SLC2A9: variants seen among roughly 807,000 people sequenced by gnomAD.
SLC2A9 encodes the protein solute carrier family 2, facilitated glucose transporter member 9.
A neutral mutation model predicts 50.6 loss-of-function variants in SLC2A9; 39 were observed. That is an observed-to-expected ratio of 0.77 (90% confidence interval 0.60 to 1.01). The LOEUF (loss-of-function observed/expected upper bound fraction) is 1.01, where lower values mean the gene tolerates loss of function less well. Among genes scored for constraint, SLC2A9 ranks in the 50% least tolerant of loss-of-function variants. The pLI is 0.00. For missense variants in SLC2A9, 686 were observed against 677.6 expected, an observed-to-expected ratio of 1.01 and a Z score of -0.14; for synonymous variants, 324 against 276.9, an observed-to-expected ratio of 1.17 and a Z score of -1.69.
intron 10 of SLC2A9, among the ~76,000 whole-genome samples, chr4:9,844,633 T>A (rs1728660567): frequency 1.3e-5 from 2 of 152,252 alleles, no homozygotes; most frequent in Admixed American, 6.5e-5. Flanking sequence ...TCTCTGTGAA[T>A]CTGTGCTACA....
chr4:9,826,392 A>C lies in SLC2A9; in HGVS notation c.*5T>G. ...ATAATTGTCCAACGTGGAGGAGGAA[A>C]CTTGTTAAGGCCTTCCATTTATCTT... On this transcript the variant is annotated 3_prime_UTR_variant, in exon 12 of 12. Coordinates refer to ENST00000264784, the MANE Select transcript of SLC2A9 (RefSeq NM_020041.3). 1 of 1,613,966 alleles carries C rather than the reference A, an allele frequency of 6.2e-7. No homozygotes were observed. The highest frequency in any genetic ancestry group is 1.7e-5 in the Admixed American group (1 of 60,022).
At chr4:9,846,885 A>G (rs1729079148) in intron 10 of SLC2A9, among the ~76,000 whole-genome samples, 1 of 152,206 alleles carries the variant, frequency 6.6e-6, no homozygotes, top group African/African-American at 2.4e-5. Context: ...AAATCTCCTT[A>G]AAAATCTCCA....
At chr4:9,997,595 G>C (rs13141527) in intron 2 of SLC2A9, among the ~76,000 whole-genome samples, 4 of 152,010 alleles carry the variant, frequency 2.6e-5, no homozygotes, top group African/African-American at 7.2e-5. Flanking sequence ...AGCTACTCAG[G>C]AGGCTGAGGC....
At chr4:9,863,371 T>C (rs1731958487) in intron 10 of SLC2A9, among the ~76,000 whole-genome samples, 1 of 152,020 alleles carries the variant, frequency 6.6e-6, no homozygotes, top group African/African-American at 2.4e-5. Flanking sequence ...GGTCTTGAAC[T>C]CATGAGCTCA....
At chr4:9,934,186 C>A (rs561790194) in intron 6 of SLC2A9, among the ~76,000 whole-genome samples, 19 of 152,292 alleles carry the variant, frequency 1.2e-4, no homozygotes, top group East Asian at 7.7e-4. Context: ...GGAACTCAAA[C>A]AAAGGAAGCC....
Position 9,908,285 on chromosome 4 carries a change from A to G in SLC2A9, c.1063T>C (p.Tyr355His), listed in dbSNP as rs1333766055. The G allele has an allele frequency of 6.2e-7, 1 of 1,614,136 alleles. No individual in the cohort carries two copies. The highest frequency in any genetic ancestry group is 8.5e-7 in the Non-Finnish European group (1 of 1,179,982). ...ATGCCCCCTGTACTCAAGGTGACGT[A>G]TGGGATCTTTGCCGGAGGGATCCCA... is the stretch of plus-strand genomic sequence containing the variant. Reference protein sequence around the residue: ...KAGIPPAKIPYVTLSTGGIET... With the variant: ...KAGIPPAKIPHVTLSTGGIET... The change falls in exon 8 of 12, where the codon TAC (tyrosine) becomes CAC (histidine). Residue 355 changes from tyrosine (Y) to histidine (H), a missense_variant. By Grantham distance (83) the Tyr-to-His change is moderately conservative. Coordinates refer to ENST00000264784, the MANE Select transcript of SLC2A9 (RefSeq NM_020041.3).
At position 9,785,089 on chromosome 4, in the gene SLC2A9, GGATAGCTAAGC is replaced by G. The variant is rs551397868; in HGVS notation, n.386-5035_386-5025del. On this transcript the variant is annotated intron_variant and non_coding_transcript_variant, in intron 3 of 3. Transcript: ENST00000503803. ...GTTCAGTTTCTGACCTCCTGTGAATGGATAGCTAAGCGAACCATTAGGCAACATTAGGGGCA... is the reference window on the plus strand; with the variant it reads ...GTTCAGTTTCTGACCTCCTGTGAATGGAACCATTAGGCAACATTAGGGGCA... Among the ~76,000 whole-genome samples the G allele has an allele frequency of 2.3e-4, 35 of 152,258 alleles. No homozygotes were observed. The East Asian group carries it at 4.6e-3, about 20-fold the overall frequency.
At position 9,826,605 on chromosome 4, in the gene SLC2A9, G is replaced by A. The variant is rs754631191; in HGVS notation, c.1420-5C>T. 13 of 1,613,696 alleles carry A rather than the reference G, an allele frequency of 8.1e-6. No homozygotes were observed. In the Admixed American group the frequency reaches 2.2e-4, roughly 27 times the overall value. On this transcript the variant is annotated splice_polypyrimidine_tract_variant and splice_region_variant and intron_variant, in intron 11 of 11. Transcript: ENST00000264784. ...ACAGTAGGTGTCCAGACTTTTCTGT[G>A]GAAAGGCAGAGACAAAAACCCTCAA... is the stretch of plus-strand genomic sequence containing the variant.
chr4:9,803,429 C>T (rs1322691563), intron 3 of SLC2A9, among the ~76,000 whole-genome samples: 1 of 152,212 alleles, frequency 6.6e-6, no homozygotes, highest in Non-Finnish European at 1.5e-5. Context: ...CAATGCTTAA[C>T]ATAGGCAATA....
intron 3 of SLC2A9, among the ~76,000 whole-genome samples, chr4:9,802,059 G>C (rs1721482438): frequency 6.6e-6 from 1 of 152,160 alleles, no homozygotes; most frequent in African/African-American, 2.4e-5. Context: ...GAGGCCACCT[G>C]CTTTGCCTAG....
chr4:9,789,582 G>C (rs2108878860), intron 3 of SLC2A9, among the ~76,000 whole-genome samples: 1 of 152,358 alleles, frequency 6.6e-6, no homozygotes, highest in East Asian at 1.9e-4. Context: ...ATAGGAGGAA[G>C]TTGTTGATAT....
In SLC2A9 at chr4:9,782,885, G is replaced by A. The variant is rs199842757; in HGVS notation, n.386-2820C>T. Reference sequence around the variant, plus strand: ...CTGCGCGCCCGACACCAGCCTGCGCGCTTCCATCAAGAAGGAGACCAAGGT... The same window carrying A: ...CTGCGCGCCCGACACCAGCCTGCGCACTTCCATCAAGAAGGAGACCAAGGT... On this transcript the variant is annotated intron_variant and non_coding_transcript_variant, in intron 3 of 3. Coordinates refer to the SLC2A9 transcript ENST00000503803. The A allele has an allele frequency of 5.8e-5, 93 of 1,613,854 alleles. No homozygotes were observed. In the Middle Eastern group the frequency reaches 1.7e-3, roughly 29 times the overall value.
intron 1 of SLC2A9, among the ~76,000 whole-genome samples, chr4:9,772,825 A>T (rs201881287): frequency 0.033 from 4,823 of 147,766 alleles, 193 homozygotes; most frequent in African/African-American, 0.1. Context: ...TTTTTTTTTT[A>T]TTTTTTTTTT....
intron 11 of SLC2A9, among the ~76,000 whole-genome samples, chr4:9,832,446 C>G (rs1726326923): frequency 6.6e-6 from 1 of 152,176 alleles, no homozygotes; most frequent in Non-Finnish European, 1.5e-5. Flanking sequence ...TCTACCTGCC[C>G]AGTGTCTCCA....
At chr4:9,865,685 G>A (rs1732333588) in intron 10 of SLC2A9, among the ~76,000 whole-genome samples, 1 of 152,214 alleles carries the variant, frequency 6.6e-6, no homozygotes, top group African/African-American at 2.4e-5. Context: ...ACACATGGCT[G>A]GAGGTGTAGC....
rs144303771 is a variant in SLC2A9 at position 9,885,393 on chromosome 4, C to T, written c.1291+2174G>A. 2.9e-3 allele frequency among the ~76,000 whole-genome samples: 439 copies of T among 152,282 alleles called. 6 individuals are homozygous for T. The highest frequency in any genetic ancestry group is 0.01 in the African/African-American group (430 of 41,552). ...TAATCCTTTTGCTCCATGCAATTGG[C>T]TAGTGCCACCTTCATATTTTTCTGA... On this transcript the variant is annotated intron_variant, in intron 10 of 11. Transcript: ENST00000264784.
In SLC2A9 at chr4:9,880,394, C is replaced by G. The variant is rs573177815; in HGVS notation, c.1291+7173G>C. 3.0e-5 allele frequency: 30 copies of G among 985,368 alleles called. No homozygotes were observed. The South Asian group carries it at 1.3e-3, about 43-fold the overall frequency. The allele number at this position is 985,368 out of a possible 1,614,324, so 61.0% of individuals were successfully genotyped here. On this transcript the variant is annotated intron_variant, in intron 10 of 11. Transcript: ENST00000264784. ...ATCTGGGATTGGGAGGTGCAGGTGG[C>G]CTTCCCTCCAGGGAGTCCCATAGAC...
At chr4:9,996,243 A>G (rs1758631960) in intron 3 of SLC2A9, among the ~76,000 whole-genome samples, 1 of 152,220 alleles carries the variant, frequency 6.6e-6, no homozygotes, top group African/African-American at 2.4e-5. Context: ...AGACAGCCAT[A>G]TAGTGGAAGA....
downstream of SLC2A9, among the ~76,000 whole-genome samples, chr4:9,777,865 C>A (rs79649124): frequency 1.3e-5 from 2 of 152,174 alleles, no homozygotes; most frequent in Non-Finnish European, 2.9e-5. Flanking sequence ...CTCAGTAAGT[C>A]TTTCTGGAGA....
Sources: allele counts gnomAD v4.1 joint callset (sites outside exome capture counted in the v4.1 genomes callset), GRCh38; gene constraint gnomAD v4.1.1; transcripts MANE v1.5; gene names NCBI Gene and HGNC (gene_info 2026-07-23, HGNC 2026-07-21).